MICAL2: variants seen among roughly 807,000 people sequenced by gnomAD.
MICAL2 encodes the protein microtubule associated monooxygenase, calponin and LIM domain containing 2, also known as [F-actin]-monooxygenase MICAL2.
Under a neutral mutation model 127.3 loss-of-function variants are expected in MICAL2, and 77 were observed. The ratio of observed to expected loss-of-function variants is 0.60; its 90% CI spans 0.50 to 0.73. The LOEUF (loss-of-function observed/expected upper bound fraction) is 0.73. Among genes scored for constraint, MICAL2 ranks in the 30% least tolerant of loss-of-function variants. The pLI, the probability that MICAL2 is intolerant of heterozygous loss-of-function variation, is 0.00. For missense variants in MICAL2, 1,351 were observed against 1,434.4 expected (o/e 0.94, Z 0.94); for synonymous variants, 570 against 551.1 (o/e 1.03, Z -0.48).
At chr11:12,209,265 G>T (rs576009138) in intron 5 of MICAL2, among the ~76,000 whole-genome samples, 1 of 152,292 alleles carries the variant, frequency 6.6e-6, no homozygotes, top group African/African-American at 2.4e-5. Flanking sequence ...ACAAAACCAG[G>T]CATGGAGTTG....
At position 12,244,231 on chromosome 11, in the gene MICAL2, A is replaced by G. The variant is rs555683082; in HGVS notation, c.2784+119A>G. On this transcript the variant is annotated intron_variant, in intron 21 of 27. Transcript: ENST00000683283. ...CTTGGCTGGAATAAAAATTTGTAAG[A>G]TATTTTACACCAGTGCTGGATTCAA... 4.8e-5 allele frequency: 65 copies of G among 1,362,594 alleles called. No individual in the cohort carries two copies. In the East Asian group the frequency reaches 1.4e-3, roughly 28 times the overall value. 84.4% of individuals were successfully genotyped at this position (1,362,594 alleles called of 1,614,324 possible).
At chr11:12,342,491 T>C (rs1938882959) in intron 32 of MICAL2, among the ~76,000 whole-genome samples, 1 of 152,246 alleles carries the variant, frequency 6.6e-6, no homozygotes, top group South Asian at 2.1e-4. Flanking sequence ...AGGCAGGGGT[T>C]ATACTCTAGC....
intron 32 of MICAL2, among the ~76,000 whole-genome samples, chr11:12,336,325 G>C (rs1456922735): frequency 6.6e-6 from 1 of 152,198 alleles, no homozygotes; most frequent in Non-Finnish European, 1.5e-5. Context: ...CTTTGCTGAA[G>C]TGGCTTATCA....
chr11:12,294,218 G>C, downstream of MICAL2: 1 of 1,614,074 alleles, frequency 6.2e-7, no homozygotes, highest in Non-Finnish European at 8.5e-7. Flanking sequence ...GGAGCGAAAC[G>C]TGCCTCCACC....
intron 3 of MICAL2, among the ~76,000 whole-genome samples, chr11:12,203,263 TG>T (rs1854260651): frequency 6.6e-6 from 1 of 152,236 alleles, no homozygotes; most frequent in Admixed American, 6.5e-5. Context: ...TCATTTCTCT[TG>T]GATATATATA....
At chr11:12,111,386 G>A (rs936524855) in intron 1 of MICAL2, among the ~76,000 whole-genome samples, 7 of 152,036 alleles carry the variant, frequency 4.6e-5, no homozygotes, top group African/African-American at 1.7e-4. Context: ...GGGTGTCCGC[G>A]GCACCCACCC....
intron 30 of MICAL2, chr11:12,323,952 A>T: frequency 3.8e-6 from 6 of 1,587,176 alleles, no homozygotes; most frequent in Non-Finnish European, 5.1e-6. Context: ...CTCTGACATA[A>T]TTTTTTTCTC....
intron 1 of MICAL2, among the ~76,000 whole-genome samples, chr11:12,119,594 C>T (rs771563885): frequency 6.6e-6 from 1 of 152,218 alleles, no homozygotes; most frequent in South Asian, 2.1e-4. Flanking sequence ...ACACCTTTCC[C>T]CCACTTCTGC....
At chr11:12,179,265 A>T (rs1052935685) in intron 3 of MICAL2, among the ~76,000 whole-genome samples, 1 of 151,626 alleles carries the variant, frequency 6.6e-6, no homozygotes, top group Admixed American at 6.6e-5. Flanking sequence ...CCTCTCCTCC[A>T]CCTGCCTCTG....
chr11:12,226,300 C>T lies in MICAL2; in HGVS notation c.1818C>T (p.Asp606=), dbSNP rs181405939. 1 of 1,614,246 alleles carries T rather than the reference C, an allele frequency of 6.2e-7. No homozygotes were observed. The highest frequency in any genetic ancestry group is 1.3e-5 in the African/African-American group (1 of 75,070). The change falls in exon 14 of 28, where the codon GAC becomes GAT. Residue 606 remains aspartate, a synonymous_variant. Transcript: ENST00000683283. ...AGATGGCATCTGCCCAGGAGCCTGA[C>T]AAGCTCAGCATGGTCATGTACCTCT... ...GKEMASAQEP[D]KLSMVMYLSK... is the part of the protein sequence containing the mutation.
chr11:12,228,638 T>C (rs375734202), intron 15 of MICAL2, among the ~76,000 whole-genome samples: 9 of 151,676 alleles, frequency 5.9e-5, no homozygotes, highest in East Asian at 3.9e-4. Context: ...GGAAAGAAGA[T>C]GGGAAGGGGA....
At chr11:12,290,622 G>A (rs535603997), downstream of MICAL2, among the ~76,000 whole-genome samples, 26 of 152,280 alleles carry the variant, frequency 1.7e-4, no homozygotes, top group South Asian at 2.9e-3. Flanking sequence ...ATGGGGGTGC[G>A]GTAGTGGGAG....
chr11:12,251,366 G>A (rs1340177162), intron 22 of MICAL2, among the ~76,000 whole-genome samples: 1 of 151,984 alleles, frequency 6.6e-6, no homozygotes, highest in African/African-American at 2.4e-5. Context: ...GATGCCCAGG[G>A]CAACATTCAC....
chr11:12,310,356 T>C (rs1278069272), intron 29 of MICAL2, among the ~76,000 whole-genome samples: 1 of 152,174 alleles, frequency 6.6e-6, no homozygotes. Flanking sequence ...TTTTTGTGTA[T>C]GGTGAACGAT....
exon 31 of MICAL2, chr11:12,324,016 A>G: frequency 6.2e-7 from 1 of 1,612,022 alleles, no homozygotes; most frequent in Non-Finnish European, 8.5e-7. Context: ...AGCTAGAAAA[A>G]GCAATGAAGC....
chr11:12,161,950 T>C (rs1854856798), intron 2 of MICAL2, 129 bp from the exon 3 acceptor site: 1 of 628,024 alleles, frequency 1.6e-6, no homozygotes, highest in Non-Finnish European at 2.7e-6. Flanking sequence ...TTATGTTTAG[T>C]ATTGAACACT....
intron 21 of MICAL2, among the ~76,000 whole-genome samples, chr11:12,247,538 A>G (rs1860921037): frequency 1.3e-5 from 2 of 152,174 alleles, no homozygotes; most frequent in Non-Finnish European, 2.9e-5. Flanking sequence ...CTACACTCGC[A>G]GGTTCATGCA....
chr11:12,282,894 A>G (rs1039709704), intron 2 of MICAL2, among the ~76,000 whole-genome samples: 1 of 152,248 alleles, frequency 6.6e-6, no homozygotes, highest in Non-Finnish European at 1.5e-5. Flanking sequence ...ATGACAAAAA[A>G]ACATGACTCA....
At chr11:12,176,972 A>G (rs1297834531) in intron 3 of MICAL2, among the ~76,000 whole-genome samples, 1 of 152,168 alleles carries the variant, frequency 6.6e-6, no homozygotes, top group African/African-American at 2.4e-5. Flanking sequence ...GGATATACGT[A>G]TCTATTTCTT....
Sources: allele counts gnomAD v4.1 joint callset (sites outside exome capture counted in the v4.1 genomes callset), GRCh38; gene constraint gnomAD v4.1.1; transcripts MANE v1.5; gene names NCBI Gene and HGNC (gene_info 2026-07-23, HGNC 2026-07-21).